The following LRRC42 variants were observed in gnomAD, a reference collection of about 807,000 sequenced individuals.
LRRC42 encodes the protein leucine-rich repeat-containing protein 42.
LRRC42 carries 43 observed loss-of-function variants against 44.3 expected under a neutral mutation model. That is an observed-to-expected ratio of 0.97 (90% CI 0.76 to 1.25). LRRC42 has a LOEUF of 1.25. Among genes scored for constraint, LRRC42 ranks in the 50% most tolerant of loss-of-function variants. LRRC42 has a pLI of 0.00. For synonymous variants in LRRC42, 207 were observed against 195.2 expected, an observed-to-expected ratio of 1.06 and a Z score of -0.50; for missense variants, 540 against 509.1, an observed-to-expected ratio of 1.06 and a Z score of -0.58.
intron 2 of LRRC42, among the ~76,000 whole-genome samples, chr1:53,951,128 A>G (rs1028860062): frequency 3.3e-5 from 5 of 152,246 alleles, no homozygotes; most frequent in Admixed American, 3.3e-4. Flanking sequence ...ACCGAGTGCA[A>G]CCAAGAAGTG....
At chr1:53,964,047 A>G (rs1429820900) in intron 7 of LRRC42, among the ~76,000 whole-genome samples, 1 of 144,846 alleles carries the variant, frequency 6.9e-6, no homozygotes, top group African/African-American at 2.6e-5. Context: ...TCCCCAGTGC[A>G]GCTGTGCATT....
rs750069572 is a variant in LRRC42, at chr1:53,952,055, G to A, written c.56G>A (p.Arg19Gln). The change falls in exon 3 of 9, where the codon CGA becomes CAA. Residue 19 changes from arginine (R) to glutamine (Q), a missense_variant. Physicochemically the swap from Arg to Gln is conservative, Grantham distance 43. Coordinates refer to ENST00000371370, the MANE Select transcript of LRRC42 (RefSeq NM_001256409.2). Reference sequence around the variant, plus strand: ...CTGGACCCAGGGCCCATCTACATGCGAGAAAATGGGCAGCTGCACATGGTC... The same window carrying A: ...CTGGACCCAGGGCCCATCTACATGCAAGAAAATGGGCAGCTGCACATGGTC... ...NHLDPGPIYM[R>Q]ENGQLHMVNL... 1.1e-5 allele frequency: 17 copies of A among 1,614,076 alleles called. No individual in the cohort carries two copies. Among genetic ancestry groups the A allele is most frequent in the South Asian group, 9.9e-5 (9 of 91,088 alleles).
At chr1:53,962,554 G>C in intron 7 of LRRC42, 145 bp downstream of exon 7, 1 of 635,364 alleles carries the variant, frequency 1.6e-6, no homozygotes, top group South Asian at 1.9e-5. Flanking sequence ...GACACTGATG[G>C]GCTATAACTG....
chr1:53,960,050 A>G (rs1360353605), intron 4 of LRRC42, among the ~76,000 whole-genome samples: 1 of 151,814 alleles, frequency 6.6e-6, no homozygotes, highest in Non-Finnish European at 1.5e-5. Context: ...CCTCCCAAGT[A>G]GCTGGGACCA....
chr1:53,956,223 T>TA (rs1654832500), intron 3 of LRRC42, among the ~76,000 whole-genome samples: 1 of 152,240 alleles, frequency 6.6e-6, no homozygotes, highest in South Asian at 2.1e-4. Flanking sequence ...GTCACAAAGC[T>TA]ACCTGCCAGA....
intron 2 of LRRC42, among the ~76,000 whole-genome samples, chr1:53,948,718 GC>G (rs1179141198): frequency 1.3e-5 from 2 of 152,142 alleles, no homozygotes; most frequent in African/African-American, 4.8e-5. Flanking sequence ...TTTAGAACAG[GC>G]CCTGTCTCCT....
chr1:53,957,487 T>A (rs182629528), intron 3 of LRRC42, among the ~76,000 whole-genome samples: 33 of 152,374 alleles, frequency 2.2e-4, no homozygotes, highest in Non-Finnish European at 1.5e-4. Context: ...TGATGCTTCC[T>A]GATAACAACT....
chr1:53,948,322 C>G (rs1230144035), intron 2 of LRRC42, among the ~76,000 whole-genome samples: 1 of 152,152 alleles, frequency 6.6e-6, no homozygotes, highest in Non-Finnish European at 1.5e-5. Flanking sequence ...ATGCTTTTTG[C>G]TTGGGAAACT....
chr1:53,964,995 A>ATTTTTT (rs1557649612), intron 7 of LRRC42, among the ~76,000 whole-genome samples: 13 of 137,708 alleles, frequency 9.4e-5, no homozygotes, highest in African/African-American at 3.4e-4. Context: ...CTGGAACTGT[A>ATTTTTT]TTGTTTTTTT....
At chr1:53,961,029 A>C (rs1272381829) in intron 5 of LRRC42, among the ~76,000 whole-genome samples, 1 of 152,228 alleles carries the variant, frequency 6.6e-6, no homozygotes. Flanking sequence ...TTCTTGGTCT[A>C]CCACTTTTAC....
intron 2 of LRRC42, among the ~76,000 whole-genome samples, chr1:53,949,048 A>G (rs1017803712): frequency 6.6e-6 from 1 of 152,196 alleles, no homozygotes; most frequent in Non-Finnish European, 1.5e-5. Context: ...TTTTTTCCTC[A>G]TTTAGAAAGA....
intron 4 of LRRC42, among the ~76,000 whole-genome samples, chr1:53,959,180 G>A (rs1259538045): frequency 6.6e-6 from 1 of 152,100 alleles, no homozygotes; most frequent in African/African-American, 2.4e-5. Flanking sequence ...TTCTAGCAAG[G>A]GATGAGACAT....
At chr1:53,953,002 CATATGCTTT>C (rs1180396699) in intron 3 of LRRC42, among the ~76,000 whole-genome samples, 2 of 152,248 alleles carry the variant, frequency 1.3e-5, no homozygotes, top group African/African-American at 4.8e-5. Flanking sequence ...TGCCTTTGCT[CATATGCTTT>C]ATTTAAAATT....
intron 7 of LRRC42, among the ~76,000 whole-genome samples, chr1:53,964,486 C>T (rs1655075951): frequency 6.6e-6 from 1 of 152,172 alleles, no homozygotes; most frequent in African/African-American, 2.4e-5. Context: ...TCATTTTCTT[C>T]TTCCCCATCC....
chr1:53,961,934 T>C, intron 5 of LRRC42, 100 bp from the exon 6 acceptor site: 1 of 806,664 alleles, frequency 1.2e-6, no homozygotes, highest in Admixed American at 2.3e-5. Context: ...AAATGTTTTA[T>C]AGTTTATCAT....
intron 2 of LRRC42, among the ~76,000 whole-genome samples, chr1:53,948,916 C>T (rs1330983424): frequency 1.3e-5 from 2 of 152,164 alleles, no homozygotes; most frequent in Non-Finnish European, 2.9e-5. Context: ...TGGGAGAATG[C>T]AGGATGTGCT....
chr1:53,949,096 C>G (rs1654602383), intron 2 of LRRC42, among the ~76,000 whole-genome samples: 1 of 152,048 alleles, frequency 6.6e-6, no homozygotes, highest in African/African-American at 2.4e-5. Context: ...GAAAAACAAA[C>G]AAACAAAAAA....
chr1:53,958,172 T>C lies in LRRC42; in HGVS notation c.497T>C (p.Leu166Pro). 1 of 1,613,930 alleles carries C rather than the reference T, an allele frequency of 6.2e-7. No individual in the cohort carries two copies. The highest frequency in any genetic ancestry group is 8.5e-7 in the Non-Finnish European group (1 of 1,179,862). Residue 166 changes from leucine (L) to proline (P), a missense_variant, in exon 4 of 9, where the codon CTT becomes CCT. Transcript: ENST00000371370. ...AGGTATCTCGTGATTTCAGAAAAGCTTGAGGAGATTAAGTCTTTCCGGGAG... is the reference window on the plus strand; with the variant it reads ...AGGTATCTCGTGATTTCAGAAAAGCCTGAGGAGATTAAGTCTTTCCGGGAG... ...RNRYLVISEK[L>P]EEIKSFRELT...
rs752333510 is a variant in LRRC42 at position 53,952,310 on chromosome 1, T to C, written c.311T>C (p.Ile104Thr). The C allele has an allele frequency of 6.2e-7, 1 of 1,614,242 alleles. No individual in the cohort carries two copies. Among genetic ancestry groups the C allele is most frequent in the Non-Finnish European group, 8.5e-7 (1 of 1,180,034 alleles). ...TTCATCTCCGACAATGTGGATCACA[T>C]TGATTCCCTTATTGGCTTTCCTGAG... The part of the protein sequence containing the change: ...LGFISDNVDH[I>T]DSLIGFPEQI... The change falls in exon 3 of 9, where the codon ATT becomes ACT. Residue 104 changes from isoleucine to threonine, a missense_variant. Transcript: ENST00000371370.
Sources: allele counts gnomAD v4.1 joint callset (sites outside exome capture counted in the v4.1 genomes callset), GRCh38; gene constraint gnomAD v4.1.1; transcripts MANE v1.5; gene names NCBI Gene and HGNC (gene_info 2026-07-23, HGNC 2026-07-21).